FOXP2: variants seen among roughly 807,000 people sequenced by gnomAD.
FOXP2 encodes forkhead box protein P2.
Under a neutral mutation model 115.8 loss-of-function variants are expected in FOXP2, and 12 were observed. That is an observed-to-expected ratio of 0.10 (90% CI 0.07 to 0.17). The LOEUF is 0.17. FOXP2 is among the 10% of genes least tolerant of loss of function. The probability of loss-of-function intolerance (pLI) is 1.00; values close to 1 mark genes in which losing one functional copy is unlikely to be tolerated. For missense variants in FOXP2, 629 were observed against 843.5 expected, an observed-to-expected ratio of 0.75 and a Z score of 3.15; for synonymous variants, 328 against 297.7, an observed-to-expected ratio of 1.10 and a Z score of -1.05.
intron 3 of FOXP2, among the ~76,000 whole-genome samples, chr7:114,547,758 C>T (rs1344899834): frequency 6.7e-6 from 1 of 149,266 alleles, no homozygotes; most frequent in Non-Finnish European, 1.5e-5. Context: ...GACGTCGTCT[C>T]AAAAAAAAAG....
At chr7:114,639,706 A>G (rs1316804162) in intron 6 of FOXP2, among the ~76,000 whole-genome samples, 1 of 152,136 alleles carries the variant, frequency 6.6e-6, no homozygotes, top group Non-Finnish European at 1.5e-5. Context: ...AAAGGGAGCA[A>G]ATGTTTGATA....
intron 3 of FOXP2, among the ~76,000 whole-genome samples, chr7:114,594,102 T>G (rs2129309670): frequency 6.6e-6 from 1 of 152,192 alleles, no homozygotes; most frequent in East Asian, 1.9e-4. Flanking sequence ...GTTGGTTTAT[T>G]GTTACATATC....
At chr7:114,306,915 C>T (rs1057362566) in intron 2 of FOXP2, among the ~76,000 whole-genome samples, 1 of 152,104 alleles carries the variant, frequency 6.6e-6, no homozygotes, top group Non-Finnish European at 1.5e-5. Flanking sequence ...CTCTGCCTAC[C>T]TCTTCCACAT....
chr7:114,201,447 G>C (rs1794062589), intron 1 of FOXP2, among the ~76,000 whole-genome samples: 3 of 152,174 alleles, frequency 2.0e-5, no homozygotes, highest in African/African-American at 7.2e-5. Flanking sequence ...GGGCAACAGA[G>C]TGAGACCCTG....
chr7:114,682,548 A>G (rs1312299284), intron 16 of FOXP2, among the ~76,000 whole-genome samples: 2 of 152,140 alleles, frequency 1.3e-5, no homozygotes. Flanking sequence ...TAATTATCCT[A>G]TGGTAGTGTA....
rs1791312424 is a variant in FOXP2, at chr7:114,345,034, ACT to A, written c.-11+56926_-11+56927del. On this transcript the variant is annotated intron_variant, in intron 2 of 17. Coordinates refer to the FOXP2 transcript ENST00000634411. The stretch of plus-strand genomic sequence containing the variant: ...AAGTGAAAATATTTGAAGTTACTTT[ACT>A]TTAGAGTGAGGACGATTTGTTGTGA... 5.3e-5 allele frequency among the ~76,000 whole-genome samples: 8 copies of A among 151,752 alleles called. No homozygotes were observed. The Admixed American group carries it at 5.3e-4, about 10-fold the overall frequency.
chr7:114,375,386 T>A (rs1027594334), intron 2 of FOXP2, among the ~76,000 whole-genome samples: 1 of 152,164 alleles, frequency 6.6e-6, no homozygotes, highest in African/African-American at 2.4e-5. Context: ...TGTGGAAACA[T>A]GGTTAAGTTA....
intron 2 of FOXP2, among the ~76,000 whole-genome samples, chr7:114,402,078 T>C (rs1292973302): frequency 6.6e-6 from 1 of 152,132 alleles, no homozygotes; most frequent in African/African-American, 2.4e-5. Context: ...GCTGAGATCG[T>C]GCCACTGCAC....
intron 2 of FOXP2, among the ~76,000 whole-genome samples, chr7:114,359,763 G>A (rs773074654): frequency 1.3e-5 from 2 of 152,194 alleles, no homozygotes; most frequent in African/African-American, 2.4e-5. Context: ...TATGGAATGT[G>A]TGTATTTACC....
At chr7:114,615,840 A>G (rs1368307367) in intron 3 of FOXP2, among the ~76,000 whole-genome samples, 1 of 152,102 alleles carries the variant, frequency 6.6e-6, no homozygotes, top group Non-Finnish European at 1.5e-5. Flanking sequence ...GTTCTCCCTT[A>G]GTTTGGATCT....
intron 2 of FOXP2, among the ~76,000 whole-genome samples, chr7:114,321,585 C>A (rs1200029880): frequency 3.3e-5 from 5 of 152,148 alleles, no homozygotes; most frequent in Admixed American, 6.5e-5. Flanking sequence ...TTGTTTAGAG[C>A]AGCATCTCAT....
At position 114,664,415 on chromosome 7, in the gene FOXP2, G is replaced by A. The variant is rs529427719; in HGVS notation, c.1982G>A (p.Gly661Asp). Residue 661 changes from glycine to aspartate, a missense_variant, in exon 16 of 17, where the codon GGC (glycine) becomes GAC (aspartate). Around this residue, in one of 9 missense-constraint regions of FOXP2, gnomAD observed 117 missense variants for 112.3 expected, o/e 1.04. Coordinates refer to ENST00000350908, the MANE Select transcript of FOXP2 (RefSeq NM_014491.4). The stretch of plus-strand genomic sequence containing the variant: ...GACAGCAATGGAAACAGTAGTCCGG[G>A]CTGCTCACCTCAGCCGCACATGTAA... ...HIDSNGNSSP[G>D]CSPQPHIHSI... 4.3e-6 allele frequency: 7 copies of A among 1,613,456 alleles called. No homozygotes were observed. The South Asian group carries it at 6.6e-5, about 15-fold the overall frequency.
chr7:114,310,316 G>A (rs575608862), intron 2 of FOXP2, among the ~76,000 whole-genome samples: 139 of 152,254 alleles, frequency 9.1e-4, no homozygotes, highest in African/African-American at 3.2e-3. Context: ...AAATTGAGAT[G>A]CCACTAGGTC....
At chr7:114,178,385 C>T (rs991226509) in intron 1 of FOXP2, among the ~76,000 whole-genome samples, 1 of 151,526 alleles carries the variant, frequency 6.6e-6, no homozygotes, top group Non-Finnish European at 1.5e-5. Flanking sequence ...GACATTTTAC[C>T]ATCCAGTGAC....
chr7:114,237,887 A>T (rs1795053596), intron 1 of FOXP2, among the ~76,000 whole-genome samples: 1 of 152,092 alleles, frequency 6.6e-6, no homozygotes, highest in Non-Finnish European at 1.5e-5. Context: ...AGGCACAAGA[A>T]TTGCTTGAAC....
At chr7:114,293,889 A>G (rs1358757125) in intron 2 of FOXP2, among the ~76,000 whole-genome samples, 2 of 152,184 alleles carry the variant, frequency 1.3e-5, no homozygotes, top group Non-Finnish European at 2.9e-5. Context: ...ATACAAGATA[A>G]TAAATGGTTT....
At chr7:114,627,471 TCAAA>T (rs1804655656) in intron 3 of FOXP2, among the ~76,000 whole-genome samples, 1 of 152,128 alleles carries the variant, frequency 6.6e-6, no homozygotes, top group Non-Finnish European at 1.5e-5. Flanking sequence ...AAGTAATGCC[TCAAA>T]CAGTGTTACT....
chr7:114,242,869 G>T (rs1156400237), intron 1 of FOXP2, among the ~76,000 whole-genome samples: 1 of 152,206 alleles, frequency 6.6e-6, no homozygotes, highest in African/African-American at 2.4e-5. Flanking sequence ...GAAATGTCCT[G>T]CCTAATGCAG....
At chr7:114,507,671 G>A (rs1797887854) in intron 2 of FOXP2, among the ~76,000 whole-genome samples, 1 of 151,874 alleles carries the variant, frequency 6.6e-6, no homozygotes, top group Admixed American at 6.6e-5. Context: ...AGATAGTGGG[G>A]ACTATGTCCC....
Sources: gnomAD v4.1 joint callset for allele counts (sites outside exome capture counted in the v4.1 genomes callset) on GRCh38, gnomAD v4.1.1 for gene constraint, gnomAD v4.1.1 regional missense constraint, MANE v1.5 for transcripts, NCBI Gene and HGNC (gene_info 2026-07-23, HGNC 2026-07-21) for gene names.